The following CCDC3 variants were observed in gnomAD, a reference collection of about 807,000 sequenced individuals.
CCDC3 encodes the protein coiled-coil domain containing 3.
Under a neutral mutation model 21.4 loss-of-function variants are expected in CCDC3, and 24 were observed. The ratio of observed to expected loss-of-function variants is 1.12; its 90% CI spans 0.81 to 1.58. The LOEUF is 1.58. CCDC3 is among the 40% of genes most tolerant of loss of function. The pLI, the probability that CCDC3 is intolerant of heterozygous loss-of-function variation, is 0.00. For synonymous variants in CCDC3, 186 were observed against 166.0 expected, an observed-to-expected ratio of 1.12 and a Z score of -0.93; for missense variants, 425 against 360.9, an observed-to-expected ratio of 1.18 and a Z score of -1.44.
chr10:13,086,052 G>A (rs952019145), intron 3 of CCDC3, among the ~76,000 whole-genome samples: 1 of 151,920 alleles, frequency 6.6e-6, no homozygotes, highest in African/African-American at 2.4e-5. Context: ...ATTAGAAAAA[G>A]TGGTCATAAA....
intron 2 of CCDC3, among the ~76,000 whole-genome samples, chr10:12,946,973 CAA>C (rs1163877318): frequency 6.6e-6 from 1 of 152,114 alleles, no homozygotes; most frequent in Non-Finnish European, 1.5e-5. Flanking sequence ...AACGGAAAAG[CAA>C]AAGACAGAGG....
intron 5 of CCDC3, among the ~76,000 whole-genome samples, chr10:13,027,031 T>C (rs1836227200): frequency 2.0e-5 from 3 of 152,216 alleles, no homozygotes. Context: ...GTTTTGTCAC[T>C]GTGCCTTAGT....
chr10:13,011,233 G>A (rs1835980858), intron 5 of CCDC3, among the ~76,000 whole-genome samples: 1 of 150,042 alleles, frequency 6.7e-6, no homozygotes, highest in Non-Finnish European at 1.5e-5. Context: ...AATAGGAAGA[G>A]AAGAAATCAA....
intron 5 of CCDC3, among the ~76,000 whole-genome samples, chr10:13,043,963 A>G (rs576775259): frequency 6.6e-6 from 1 of 152,346 alleles, no homozygotes; most frequent in Admixed American, 6.5e-5. Context: ...ACTAATTTAC[A>G]TCCTCATCAA....
chr10:13,094,178 A>T (rs1832606341), intron 3 of CCDC3, among the ~76,000 whole-genome samples: 1 of 152,156 alleles, frequency 6.6e-6, no homozygotes, highest in Admixed American at 6.5e-5. Context: ...TCTATTATTT[A>T]CAGAGGGCCA....
chr10:13,020,345 T>C (rs957031086), intron 5 of CCDC3, among the ~76,000 whole-genome samples: 11 of 152,252 alleles, frequency 7.2e-5, no homozygotes, highest in Admixed American at 2.6e-4. Context: ...ACCTGTCTTT[T>C]TGCTGTCATG....
chr10:12,949,486 T>C lies in CCDC3; in HGVS notation c.549+48852A>G, dbSNP rs544797392. On this transcript the variant is annotated intron_variant, in intron 2 of 2. Coordinates refer to ENST00000378825, the MANE Select transcript of CCDC3 (RefSeq NM_031455.4). ...TCAGTGGAGCCACCCGATGGAGGGA[T>C]CTGACACTGTGGAGTTCCATTCCAG... Among the ~76,000 whole-genome samples the C allele has an allele frequency of 1.7e-4, 26 of 152,284 alleles. No homozygotes were observed. The East Asian group carries it at 4.8e-3, about 28-fold the overall frequency.
intron 2 of CCDC3, among the ~76,000 whole-genome samples, chr10:12,965,071 G>A (rs1444727500): frequency 6.6e-6 from 1 of 152,126 alleles, no homozygotes; most frequent in Non-Finnish European, 1.5e-5. Context: ...CACAGGAGAG[G>A]AGAATGGAGG....
At chr10:13,073,115 C>T (rs1446946288) in intron 4 of CCDC3, among the ~76,000 whole-genome samples, 1 of 152,174 alleles carries the variant, frequency 6.6e-6, no homozygotes, top group African/African-American at 2.4e-5. Context: ...ATCCACCTGC[C>T]TTGACCTCCC....
At chr10:12,924,965 T>A (rs1460945167) in intron 2 of CCDC3, among the ~76,000 whole-genome samples, 2 of 152,198 alleles carry the variant, frequency 1.3e-5, no homozygotes, top group African/African-American at 4.8e-5. Context: ...GTGAAATCGA[T>A]GTGGCAGCGG....
intron 2 of CCDC3, among the ~76,000 whole-genome samples, chr10:12,988,712 ATTGATG>A (rs1339438796): frequency 1.4e-4 from 21 of 152,132 alleles, no homozygotes. Flanking sequence ...TGATACATTC[ATTGATG>A]TAGTGACTGT....
chr10:12,951,136 C>G (rs1835001370), intron 2 of CCDC3, among the ~76,000 whole-genome samples: 1 of 152,182 alleles, frequency 6.6e-6, no homozygotes, highest in Non-Finnish European at 1.5e-5. Context: ...GTAATTCAAG[C>G]ACTTTGGAAG....
intron 1 of CCDC3, among the ~76,000 whole-genome samples, chr10:13,000,375 G>C (rs916975688): frequency 6.6e-6 from 1 of 152,028 alleles, no homozygotes; most frequent in African/African-American, 2.4e-5. Context: ...TGAATTCTTA[G>C]GCAGATGCAT....
At chr10:13,066,383 C>T (rs1364178803) in intron 4 of CCDC3, among the ~76,000 whole-genome samples, 1 of 152,210 alleles carries the variant, frequency 6.6e-6, no homozygotes, top group Non-Finnish European at 1.5e-5. Flanking sequence ...TATGTTTTAG[C>T]AGATATTTTT....
intron 4 of CCDC3, among the ~76,000 whole-genome samples, chr10:13,063,981 G>A (rs777068233): frequency 1.3e-5 from 2 of 151,544 alleles, no homozygotes; most frequent in East Asian, 2.0e-4. Context: ...ACGCTGGAGT[G>A]CAATGGTGCC....
At chr10:13,054,444 T>A (rs2131427646) in intron 4 of CCDC3, among the ~76,000 whole-genome samples, 1 of 152,200 alleles carries the variant, frequency 6.6e-6, no homozygotes, top group African/African-American at 2.4e-5. Context: ...TTCCAAAAAC[T>A]CGCTGTTTGT....
intron 5 of CCDC3, among the ~76,000 whole-genome samples, chr10:13,042,033 A>T (rs2580900): frequency 0.76 from 116,149 of 152,138 alleles, 46,594 homozygotes; most frequent in Non-Finnish European, 0.88. Flanking sequence ...GAGATCCCAG[A>T]CGCTTTGGCC....
At chr10:12,997,907 T>C (rs1184195283) in intron 2 of CCDC3, among the ~76,000 whole-genome samples, 2 of 152,140 alleles carry the variant, frequency 1.3e-5, no homozygotes, top group African/African-American at 4.8e-5. Context: ...ACACTAACGA[T>C]AGCTGATAAG....
chr10:13,058,899 T>C (rs1212429600), intron 4 of CCDC3, among the ~76,000 whole-genome samples: 1 of 152,168 alleles, frequency 6.6e-6, no homozygotes, highest in Non-Finnish European at 1.5e-5. Context: ...CTACGGCGCA[T>C]CCATATGACT....
Sources: allele counts gnomAD v4.1 joint callset (sites outside exome capture counted in the v4.1 genomes callset), GRCh38; gene constraint gnomAD v4.1.1; transcripts MANE v1.5; gene names NCBI Gene and HGNC (gene_info 2026-07-23, HGNC 2026-07-21).